CTNNA3: variants seen among roughly 807,000 people sequenced by gnomAD.
CTNNA3 encodes catenin alpha 3.
A neutral mutation model predicts 95.7 loss-of-function variants in CTNNA3; 76 were observed. The ratio of observed to expected loss-of-function variants is 0.79; its 90% CI spans 0.66 to 0.96. The LOEUF is 0.96. Among genes scored for constraint, CTNNA3 ranks in the 40% least tolerant of loss-of-function variants. The pLI, the probability that CTNNA3 is intolerant of heterozygous loss-of-function variation, is 0.00. For synonymous variants in CTNNA3, 431 were observed against 374.4 expected, an observed-to-expected ratio of 1.15 and a Z score of -1.74; for missense variants, 1,191 against 1,089.8, an observed-to-expected ratio of 1.09 and a Z score of -1.31.
intron 5 of CTNNA3, among the ~76,000 whole-genome samples, chr10:67,293,420 T>C (rs1322954036): frequency 6.6e-6 from 1 of 152,196 alleles, no homozygotes; most frequent in Non-Finnish European, 1.5e-5. Flanking sequence ...AGACACTATA[T>C]CAGATTTCTA....
At chr10:66,614,785 T>C (rs1477062971) in intron 10 of CTNNA3, among the ~76,000 whole-genome samples, 2 of 152,000 alleles carry the variant, frequency 1.3e-5, no homozygotes, top group Non-Finnish European at 2.9e-5. Context: ...ATTGGAAAAC[T>C]TGACTTATTT....
At chr10:67,022,268 G>T (rs905984752) in intron 7 of CTNNA3, among the ~76,000 whole-genome samples, 1 of 152,160 alleles carries the variant, frequency 6.6e-6, no homozygotes, top group Admixed American at 6.6e-5. Flanking sequence ...AATAGTCAGT[G>T]TTAGAGATCC....
At chr10:67,152,198 C>T (rs1181557996) in intron 7 of CTNNA3, among the ~76,000 whole-genome samples, 1 of 152,198 alleles carries the variant, frequency 6.6e-6, no homozygotes, top group African/African-American at 2.4e-5. Context: ...TCCCTTCAGC[C>T]TCATCATCTA....
intron 11 of CTNNA3, among the ~76,000 whole-genome samples, chr10:66,447,021 T>C (rs937412795): frequency 1.3e-5 from 2 of 151,650 alleles, no homozygotes; most frequent in Non-Finnish European, 2.9e-5. Flanking sequence ...AGCATTCTTA[T>C]ACACCAATAA....
intron 5 of CTNNA3, among the ~76,000 whole-genome samples, chr10:67,390,900 G>A (rs1167742380): frequency 4.7e-5 from 7 of 150,524 alleles, no homozygotes; most frequent in African/African-American, 7.4e-5. Context: ...TTGATGGGAC[G>A]TATTTCAAAA....
intron 3 of CTNNA3, among the ~76,000 whole-genome samples, chr10:67,572,925 A>G (rs1017595277): frequency 5.3e-5 from 8 of 152,054 alleles, no homozygotes; most frequent in South Asian, 2.1e-4. Flanking sequence ...TTGTTTCTAC[A>G]AAAAGTATAA....
intron 12 of CTNNA3, among the ~76,000 whole-genome samples, chr10:66,309,520 A>T (rs562726770): frequency 6.7e-6 from 1 of 150,320 alleles, no homozygotes; most frequent in South Asian, 2.1e-4. Flanking sequence ...GTGAAACCCC[A>T]TCTACCAAAA....
intron 12 of CTNNA3, among the ~76,000 whole-genome samples, chr10:66,304,399 T>C (rs182440917): frequency 6.6e-6 from 1 of 152,220 alleles, no homozygotes; most frequent in Non-Finnish European, 1.5e-5. Context: ...CAAGCATGTA[T>C]CCTAGAAAGC....
chr10:67,698,521 T>C (rs140430782), upstream of CTNNA3, among the ~76,000 whole-genome samples: 7 of 152,304 alleles, frequency 4.6e-5, no homozygotes, highest in African/African-American at 1.4e-4. Flanking sequence ...ATATGTTCTT[T>C]AGTCAGAATG....
chr10:66,314,000 T>C (rs779013853), intron 12 of CTNNA3, among the ~76,000 whole-genome samples: 6 of 152,192 alleles, frequency 3.9e-5, no homozygotes, highest in African/African-American at 7.2e-5. Flanking sequence ...TCATCCTCCC[T>C]GGCCCAGAAA....
At chr10:67,358,194 GA>G (rs1244504886) in intron 5 of CTNNA3, among the ~76,000 whole-genome samples, 1 of 151,998 alleles carries the variant, frequency 6.6e-6, no homozygotes, top group Admixed American at 6.6e-5. Flanking sequence ...AGAAAACATA[GA>G]AGAAAATCTT....
intron 12 of CTNNA3, among the ~76,000 whole-genome samples, chr10:66,372,580 T>G (rs2092762061): frequency 6.6e-6 from 1 of 152,190 alleles, no homozygotes; most frequent in Non-Finnish European, 1.5e-5. Context: ...AATCTCAAAG[T>G]TACTGTATTA....
rs186776091 is a variant in CTNNA3 at position 67,732,432 on chromosome 10, C to T, written c.-2+31002G>A. ...TCATAATGTTTACAACCATTGTTGA[C>T]TTTATCTTCTTGATAAGTAAAAACC... is the stretch of plus-strand genomic sequence containing the variant. On this transcript the variant is annotated intron_variant, in intron 1 of 17. Transcript: ENST00000684154. 1.1e-4 allele frequency among the ~76,000 whole-genome samples: 16 copies of T among 152,294 alleles called. No homozygotes were observed. The East Asian group carries it at 2.9e-3, about 27-fold the overall frequency.
chr10:67,593,891 A>T (rs371628891), intron 3 of CTNNA3, among the ~76,000 whole-genome samples: 79 of 152,090 alleles, frequency 5.2e-4, no homozygotes, highest in African/African-American at 1.8e-3. Context: ...GTTGACTGTG[A>T]CTTTGTCATA....
intron 3 of CTNNA3, among the ~76,000 whole-genome samples, chr10:67,566,847 A>G (rs2051598036): frequency 6.6e-6 from 1 of 152,108 alleles, no homozygotes; most frequent in African/African-American, 2.4e-5. Context: ...AGCCATAAAA[A>G]ATGATGAGTT....
intron 5 of CTNNA3, among the ~76,000 whole-genome samples, chr10:67,252,081 T>C (rs1866130621): frequency 6.6e-6 from 1 of 151,936 alleles, no homozygotes; most frequent in Non-Finnish European, 1.5e-5. Context: ...CATGGTGGTG[T>C]GTGCCCGAAG....
chr10:67,465,200 T>C (rs1250083597), intron 5 of CTNNA3, among the ~76,000 whole-genome samples: 1 of 151,086 alleles, frequency 6.6e-6, no homozygotes, highest in East Asian at 2.1e-4. Context: ...GCATTCTATT[T>C]ATAAAAGGAC....
intron 13 of CTNNA3, chr10:66,118,159 G>A (rs547721658): frequency 3.9e-5 from 6 of 152,162 alleles, no homozygotes; most frequent in Non-Finnish European, 5.9e-5. Context: ...TAATAATAAA[G>A]CAATTACAAA....
intron 12 of CTNNA3, among the ~76,000 whole-genome samples, chr10:66,342,109 G>T (rs1044039220): frequency 1.3e-5 from 2 of 151,854 alleles, no homozygotes; most frequent in Non-Finnish European, 2.9e-5. Flanking sequence ...CTAATTCTTA[G>T]TTGCATGTGT....
Sources: gnomAD v4.1 joint callset for allele counts (sites outside exome capture counted in the v4.1 genomes callset) on GRCh38, gnomAD v4.1.1 for gene constraint, MANE v1.5 for transcripts, NCBI Gene and HGNC (gene_info 2026-07-23, HGNC 2026-07-21) for gene names.